The following PCNX1 variants were observed in gnomAD, a reference collection of about 807,000 sequenced individuals.
PCNX1 encodes the protein pecanex 1, also known as pecanex-like protein 1.
A neutral mutation model predicts 242.2 loss-of-function variants in PCNX1; 78 were observed. The ratio of observed to expected loss-of-function variants is 0.32; its 90% confidence interval spans 0.27 to 0.39. The LOEUF (loss-of-function observed/expected upper bound fraction) is 0.39. PCNX1 is among the 10% of genes least tolerant of loss of function. The probability of loss-of-function intolerance (pLI) is 1.00; values close to 1 mark genes in which losing one functional copy is unlikely to be tolerated. For missense variants in PCNX1, 2,581 were observed against 2,856.5 expected (o/e 0.90, Z 2.20); for synonymous variants, 1,024 against 1,032.9 (o/e 0.99, Z 0.17).
rs116416169 is a variant in PCNX1, at chr14:71,072,706, A to T, written c.4853-839A>T. Among the ~76,000 whole-genome samples, 834 of 152,342 alleles carry T rather than the reference A, an allele frequency of 5.5e-3. 7 individuals are homozygous for T. The highest frequency in any genetic ancestry group is 0.019 in the African/African-American group (783 of 41,580). On this transcript the variant is annotated intron_variant, in intron 26 of 35. Coordinates refer to ENST00000304743, the MANE Select transcript of PCNX1 (RefSeq NM_014982.3). ...ATGATTACTTTATAGTCTTTACATAATATAAGGAATTTACAAATTGAGTTG... is the reference window on the plus strand; with the variant it reads ...ATGATTACTTTATAGTCTTTACATATTATAAGGAATTTACAAATTGAGTTG...
chr14:71,103,293 G>A, intron 31 of PCNX1, 102 bp from the exon 32 acceptor site: 1 of 1,288,602 alleles, frequency 7.8e-7, no homozygotes, highest in South Asian at 1.4e-5. Flanking sequence ...TTCACAACTG[G>A]TTATCATAAT....
At chr14:71,035,905 G>C (rs919944791) in intron 18 of PCNX1, among the ~76,000 whole-genome samples, 160 bp from the exon 19 acceptor site, 3 of 151,998 alleles carry the variant, frequency 2.0e-5, no homozygotes, top group Admixed American at 2.0e-4. Flanking sequence ...GACTCTAGAA[G>C]TGTTAAAGTA....
At chr14:71,048,270 A>G (rs2060921932) in intron 22 of PCNX1, among the ~76,000 whole-genome samples, 1 of 152,192 alleles carries the variant, frequency 6.6e-6, no homozygotes, top group Non-Finnish European at 1.5e-5. Context: ...AAAGGTATAT[A>G]GTTTTGAATA....
intron 13 of PCNX1, among the ~76,000 whole-genome samples, chr14:71,024,580 A>G (rs544366654): frequency 6.6e-6 from 1 of 152,170 alleles, no homozygotes; most frequent in Admixed American, 6.6e-5. Context: ...CGTGCTTTTT[A>G]AAGTAGGAAT....
chr14:71,031,728 T>C, intron 16 of PCNX1: 1 of 1,071,012 alleles, frequency 9.3e-7, no homozygotes, highest in South Asian at 1.3e-5. Context: ...TGAACTCTGA[T>C]GTTTTCTCTC....
intron 19 of PCNX1, among the ~76,000 whole-genome samples, chr14:71,044,853 CA>C (rs1220177047): frequency 1.3e-5 from 2 of 152,232 alleles, no homozygotes; most frequent in African/African-American, 4.8e-5. Context: ...ATAGGCAATA[CA>C]CCTTAGGCCA....
intron 8 of PCNX1, among the ~76,000 whole-genome samples, chr14:70,998,251 C>T (rs1320352493): frequency 1.3e-5 from 2 of 152,092 alleles, no homozygotes; most frequent in African/African-American, 4.8e-5. Context: ...CTATACTAAA[C>T]CCCGAGAATC....
At chr14:71,081,846 C>G (rs1007082384) in intron 28 of PCNX1, among the ~76,000 whole-genome samples, 1 of 152,096 alleles carries the variant, frequency 6.6e-6, no homozygotes, top group African/African-American at 2.4e-5. Flanking sequence ...TTTGTTGTAT[C>G]TCTATCTCCT....
chr14:70,927,851 G>A (rs985463693), intron 1 of PCNX1, among the ~76,000 whole-genome samples: 1 of 152,106 alleles, frequency 6.6e-6, no homozygotes, highest in African/African-American at 2.4e-5. Context: ...GCCTCCCAAA[G>A]TGCTGGCATT....
chr14:70,914,972 T>C (rs2056091309), intron 1 of PCNX1, among the ~76,000 whole-genome samples: 1 of 152,184 alleles, frequency 6.6e-6, no homozygotes. Context: ...TGACTTTTTT[T>C]CATTATAAAT....
At chr14:70,916,717 T>C (rs2056166988) in intron 1 of PCNX1, among the ~76,000 whole-genome samples, 1 of 152,192 alleles carries the variant, frequency 6.6e-6, no homozygotes, top group African/African-American at 2.4e-5. Flanking sequence ...TGCCTAAGTG[T>C]TGTTGACAGA....
intron 33 of PCNX1, among the ~76,000 whole-genome samples, chr14:71,105,690 T>C (rs1227829259): frequency 6.6e-6 from 1 of 150,772 alleles, no homozygotes; most frequent in Non-Finnish European, 1.5e-5. Context: ...CTAAGGCCCC[T>C]GCCACCACGC....
At chr14:71,046,833 A>G (rs368419120) in intron 20 of PCNX1, 131 bp from the exon 21 acceptor site, 1 of 608,478 alleles carries the variant, frequency 1.6e-6, no homozygotes, top group South Asian at 3.0e-5. Flanking sequence ...ACAGTTGATT[A>G]AAGTACTGGC....
rs1283916696 is a variant in PCNX1, at chr14:71,041,426, G to A, written c.3868-3707G>A. 2.0e-5 allele frequency among the ~76,000 whole-genome samples: 3 copies of A among 152,004 alleles called. No individual in the cohort carries two copies. The East Asian group carries it at 5.8e-4, about 29-fold the overall frequency. On this transcript the variant is annotated intron_variant, in intron 19 of 35. Transcript: ENST00000304743. The stretch of plus-strand genomic sequence containing the variant: ...TTGGATTTCTTCATTTTTCAATCTT[G>A]TTAGGTTGTATGTGTCTAGGAATTA...
chr14:71,029,288 G>A (rs868680935), intron 16 of PCNX1, among the ~76,000 whole-genome samples: 1 of 152,098 alleles, frequency 6.6e-6, no homozygotes, highest in Non-Finnish European at 1.5e-5. Context: ...TCAACAAGTT[G>A]TAAACATAAA....
At chr14:71,066,234 C>T (rs1232165906) in intron 26 of PCNX1, among the ~76,000 whole-genome samples, 1 of 152,158 alleles carries the variant, frequency 6.6e-6, no homozygotes, top group African/African-American at 2.4e-5. Flanking sequence ...ATTGATTCTT[C>T]CTATCCATGA....
rs3083307 is a variant in PCNX1 at position 71,003,080 on chromosome 14, C to CTTTTTTTTTTTTTT, written c.2630-6547_2630-6534dup. Among the ~76,000 whole-genome samples the CTTTTTTTTTTTTTT allele has an allele frequency of 6.3e-3, 597 of 95,444 alleles. 69 individuals are homozygous for CTTTTTTTTTTTTTT. Among genetic ancestry groups the CTTTTTTTTTTTTTT allele is most frequent in the African/African-American group, 0.012 (263 of 21,284 alleles). 62.6% of individuals were successfully genotyped at this position (95,444 alleles called of 152,430 possible). A position where few individuals can be genotyped will look rare whatever the true frequency, so the allele number is the denominator to read the frequency against. ...TAAAAATCGGGTTGTTGGTTGTCTTCTTTTTTTTTTTTTTTTTTTTGAGAC... is the reference window on the plus strand; with the variant it reads ...TAAAAATCGGGTTGTTGGTTGTCTTCTTTTTTTTTTTTTTTTTTTTTTTTTTTTTTTTTTGAGAC... On this transcript the variant is annotated intron_variant, in intron 8 of 35. Coordinates refer to ENST00000304743, the MANE Select transcript of PCNX1 (RefSeq NM_014982.3).
At chr14:70,988,216 C>T (rs531994589) in intron 6 of PCNX1, among the ~76,000 whole-genome samples, 15 of 152,144 alleles carry the variant, frequency 9.9e-5, no homozygotes, top group Admixed American at 3.9e-4. Flanking sequence ...TTAAGGTTGA[C>T]TTAATTAACG....
chr14:70,997,081 T>A (rs2059375224), intron 8 of PCNX1, among the ~76,000 whole-genome samples: 1 of 152,164 alleles, frequency 6.6e-6, no homozygotes, highest in African/African-American at 2.4e-5. Context: ...GCTTTTGCTT[T>A]TGAGTTTGTA....
Sources: allele counts gnomAD v4.1 joint callset (sites outside exome capture counted in the v4.1 genomes callset), GRCh38; gene constraint gnomAD v4.1.1; transcripts MANE v1.5; gene names NCBI Gene and HGNC (gene_info 2026-07-23, HGNC 2026-07-21).